The following JADE3 variants were observed in gnomAD, a reference collection of about 807,000 sequenced individuals.
JADE3 encodes protein Jade-3.
Under a neutral mutation model 50.1 loss-of-function variants are expected in JADE3, and 2 were observed. The observed-to-expected ratio is 0.04, with a 90% CI of 0.02 to 0.13. The LOEUF (loss-of-function observed/expected upper bound fraction) is 0.13, where lower values mean the gene tolerates loss of function less well. Among genes scored for constraint, JADE3 ranks in the 10% least tolerant of loss-of-function variants. The probability of loss-of-function intolerance (pLI) is 1.00; values close to 1 mark genes in which losing one functional copy is unlikely to be tolerated. For synonymous variants in JADE3, 218 were observed against 232.9 expected, an observed-to-expected ratio of 0.94 and a Z score of 0.58; for missense variants, 475 against 634.4, an observed-to-expected ratio of 0.75 and a Z score of 2.70.
chrX:47,039,565 C>T (rs973723194), intron 8 of JADE3, among the ~76,000 whole-genome samples: 1 of 110,704 alleles, frequency 9.0e-6, no homozygotes, highest in Non-Finnish European at 1.9e-5. Flanking sequence ...ACTCTCCCTC[C>T]TCCCTCTAGT....
chrX:47,016,144 C>T (rs1602409569), intron 4 of JADE3, among the ~76,000 whole-genome samples: 2 of 110,789 alleles, frequency 1.8e-5, no homozygotes, highest in African/African-American at 6.6e-5. Flanking sequence ...AAGTGACTTA[C>T]CTACCTACAT....
intron 8 of JADE3, among the ~76,000 whole-genome samples, chrX:47,043,564 A>G (rs1242101924): frequency 2.7e-5 from 3 of 112,236 alleles, no homozygotes; most frequent in Admixed American, 1.9e-4. Context: ...TCACGCCTGT[A>G]ATCCCAGCAC....
chrX:47,059,264 A>G lies in JADE3; in HGVS notation c.*187A>G, dbSNP rs1929709588. ...CTAGTTTTTACAAGCACATTACAGT[A>G]ATTGCAGGTTGTCCAGAGGTTGGTT... is the stretch of plus-strand genomic sequence containing the variant. On this transcript the variant is annotated 3_prime_UTR_variant, in exon 11 of 11. Coordinates refer to ENST00000614628, the MANE Select transcript of JADE3 (RefSeq NM_014735.5). 4.9e-6 allele frequency: 2 copies of G among 405,736 alleles called. No individual in the cohort carries two copies. Among genetic ancestry groups the G allele is most frequent in the African/African-American group, 5.0e-5 (2 of 40,330 alleles). 33.4% of individuals were successfully genotyped at this position (405,736 alleles called of 1,213,427 possible). A position where few individuals can be genotyped will look rare whatever the true frequency, so the allele number is the denominator to read the frequency against.
At chrX:46,951,638 T>A (rs1360453671) in intron 1 of JADE3, among the ~76,000 whole-genome samples, 1 of 108,040 alleles carries the variant, frequency 9.3e-6, no homozygotes, top group East Asian at 2.9e-4. Flanking sequence ...TGTTAGATTC[T>A]AGTTATACAA....
At chrX:47,025,648 A>G (rs1446615391) in intron 5 of JADE3, among the ~76,000 whole-genome samples, 2 of 112,414 alleles carry the variant, frequency 1.8e-5, no homozygotes, top group Non-Finnish European at 3.8e-5. Context: ...GCTGAAAGAT[A>G]ACTCATTTTA....
At chrX:47,058,104 C>A in intron 10 of JADE3, 63 bp from the exon 11 acceptor site, 1 of 975,955 alleles carries the variant, frequency 1.0e-6, no homozygotes, top group East Asian at 3.1e-5. Context: ...ACTCACTCTG[C>A]CATAAGCACA....
At chrX:47,016,153 A>G (rs781946443) in intron 4 of JADE3, among the ~76,000 whole-genome samples, 5 of 110,821 alleles carry the variant, frequency 4.5e-5, no homozygotes, top group Non-Finnish European at 7.6e-5. Flanking sequence ...ACCTACCTAC[A>G]TATCATTAGC....
intron 4 of JADE3, among the ~76,000 whole-genome samples, chrX:47,010,618 C>T (rs1556361382): frequency 1.8e-5 from 2 of 111,466 alleles, no homozygotes; most frequent in East Asian, 5.6e-4. Flanking sequence ...CAATCATCAT[C>T]CCTGTGTAAT....
intron 1 of JADE3, among the ~76,000 whole-genome samples, chrX:46,914,501 C>T (rs1266527433): frequency 2.7e-5 from 3 of 111,784 alleles, no homozygotes; most frequent in African/African-American, 9.8e-5. Context: ...AATACTTGAA[C>T]TGTAAAAGGA....
chrX:47,038,923 G>A, intron 7 of JADE3, 26 bp from the exon 8 acceptor site: 1 of 879,132 alleles, frequency 1.1e-6, no homozygotes, highest in South Asian at 2.1e-5. Flanking sequence ...TGGTACTTCT[G>A]CCTTATGGTG....
intron 1 of JADE3, among the ~76,000 whole-genome samples, chrX:46,944,307 CTTTTT>C (rs113355463): frequency 1.1e-5 from 1 of 87,623 alleles, no homozygotes; most frequent in Admixed American, 1.3e-4. Context: ...TTTCTCACTT[CTTTTT>C]TTTTTTTTTT....
rs145257110 is a variant in JADE3, at chrX:47,047,594, A to C, written c.973-6564A>C. 4.3e-3 allele frequency among the ~76,000 whole-genome samples: 477 copies of C among 111,282 alleles called. 3 individuals carry two copies. The highest frequency in any genetic ancestry group is 7.6e-3 in the Non-Finnish European group (401 of 52,980). On this transcript the variant is annotated intron_variant, in intron 8 of 10. Transcript: ENST00000614628. ...ATAAACCACAGTGAGATACCATTTC[A>C]TACCTACTAGGGTGGCAGTAATAAG...
intron 3 of JADE3, among the ~76,000 whole-genome samples, chrX:46,987,003 G>A (rs975901441): frequency 8.9e-6 from 1 of 112,106 alleles, no homozygotes; most frequent in African/African-American, 3.2e-5. Context: ...AGTAATCTGG[G>A]CATGATGTGA....
chrX:46,952,175 A>G (rs1927018638), intron 1 of JADE3, among the ~76,000 whole-genome samples: 1 of 112,069 alleles, frequency 8.9e-6, no homozygotes, highest in Non-Finnish European at 1.9e-5. Flanking sequence ...TGGCATTTTC[A>G]TGGTTCTTTG....
At chrX:46,936,125 TCTC>T (rs1426185877) in intron 1 of JADE3, among the ~76,000 whole-genome samples, 1 of 108,793 alleles carries the variant, frequency 9.2e-6, no homozygotes, top group African/African-American at 3.4e-5. Flanking sequence ...TTCAAGCAAT[TCTC>T]CTGCCTCAGC....
intron 1 of JADE3, among the ~76,000 whole-genome samples, chrX:46,917,884 T>A (rs961372871): frequency 1.1e-5 from 1 of 88,531 alleles, no homozygotes; most frequent in African/African-American, 4.3e-5. Flanking sequence ...TCTCTCTCTC[T>A]CATCCTCTCT....
chrX:46,927,085 T>C (rs1264226444), intron 1 of JADE3, among the ~76,000 whole-genome samples: 1 of 112,253 alleles, frequency 8.9e-6, no homozygotes, highest in Non-Finnish European at 1.9e-5. Flanking sequence ...GTTTGAATGC[T>C]AGGATGGATA....
intron 1 of JADE3, among the ~76,000 whole-genome samples, chrX:46,976,554 G>A (rs1927631448): frequency 9.0e-6 from 1 of 111,645 alleles, no homozygotes; most frequent in Non-Finnish European, 1.9e-5. Flanking sequence ...TTTTGTTTCT[G>A]CCAAAATGAA....
At chrX:46,917,834 C>CTCTCTCT (rs1556336773) in intron 1 of JADE3, among the ~76,000 whole-genome samples, 4 of 42,541 alleles carry the variant, frequency 9.4e-5, no homozygotes, top group Admixed American at 3.3e-4. Flanking sequence ...TCTCTCTCAT[C>CTCTCTCT]CTCTCTCTCT....
Sources: allele counts gnomAD v4.1 joint callset (sites outside exome capture counted in the v4.1 genomes callset), GRCh38; gene constraint gnomAD v4.1.1; transcripts MANE v1.5; gene names NCBI Gene and HGNC (gene_info 2026-07-23, HGNC 2026-07-21).